PPP2R2B: variants seen among roughly 807,000 people sequenced by gnomAD.
The protein encoded by PPP2R2B is serine/threonine-protein phosphatase 2A 55 kDa regulatory subunit B beta isoform.
A neutral mutation model predicts 46.0 loss-of-function variants in PPP2R2B; 5 were observed. The ratio of observed to expected loss-of-function variants is 0.11; its 90% CI spans 0.06 to 0.23. The LOEUF (loss-of-function observed/expected upper bound fraction) is 0.23, where lower values mean the gene tolerates loss of function less well. PPP2R2B is among the 10% of genes least tolerant of loss of function. The pLI, the probability that PPP2R2B is intolerant of heterozygous loss-of-function variation, is 1.00. For synonymous variants in PPP2R2B, 215 were observed against 206.7 expected, an observed-to-expected ratio of 1.04 and a Z score of -0.34; for missense variants, 367 against 575.0, an observed-to-expected ratio of 0.64 and a Z score of 3.70.
At chr5:146,667,230 T>A (rs1326483031) in intron 5 of PPP2R2B, among the ~76,000 whole-genome samples, 1 of 151,998 alleles carries the variant, frequency 6.6e-6, no homozygotes. Flanking sequence ...ATGTAGTGAT[T>A]CTAGAAAATA....
intron 2 of PPP2R2B, among the ~76,000 whole-genome samples, chr5:146,726,196 C>A (rs993353470): frequency 2.0e-5 from 3 of 152,126 alleles, no homozygotes; most frequent in Non-Finnish European, 4.4e-5. Context: ...ACCACTGCAT[C>A]CCCACCTCTC....
intron 1 of PPP2R2B, among the ~76,000 whole-genome samples, chr5:146,977,388 T>C (rs1752960499): frequency 6.6e-6 from 1 of 152,008 alleles, no homozygotes; most frequent in African/African-American, 2.4e-5. Flanking sequence ...TTATTATTAT[T>C]ATTATACTTT....
chr5:146,803,717 G>T (rs1757002834), intron 2 of PPP2R2B, among the ~76,000 whole-genome samples: 1 of 152,282 alleles, frequency 6.6e-6, no homozygotes, highest in East Asian at 1.9e-4. Flanking sequence ...ACAAGACCAA[G>T]TTAGGCATCC....
At chr5:147,048,243 T>C (rs1243991753) in intron 1 of PPP2R2B, among the ~76,000 whole-genome samples, 1 of 152,182 alleles carries the variant, frequency 6.6e-6, no homozygotes, top group African/African-American at 2.4e-5. Context: ...TGAAATGTTG[T>C]AGGCAGTCTT....
chr5:146,931,990 C>A (rs1763984342), intron 1 of PPP2R2B, among the ~76,000 whole-genome samples: 1 of 152,160 alleles, frequency 6.6e-6, no homozygotes, highest in African/African-American at 2.4e-5. Flanking sequence ...GTCTGGTCAT[C>A]AGCAATAATC....
At chr5:147,014,555 C>T (rs1239348453) in intron 1 of PPP2R2B, among the ~76,000 whole-genome samples, 1 of 152,004 alleles carries the variant, frequency 6.6e-6, no homozygotes, top group Non-Finnish European at 1.5e-5. Flanking sequence ...ACTATGCAGC[C>T]ATAAAAAATG....
At chr5:146,973,175 T>A (rs1374955484) in intron 1 of PPP2R2B, among the ~76,000 whole-genome samples, 1 of 152,214 alleles carries the variant, frequency 6.6e-6, no homozygotes, top group African/African-American at 2.4e-5. Context: ...TTTTTCTTTT[T>A]CTTGTGGTTA....
intron 2 of PPP2R2B, among the ~76,000 whole-genome samples, chr5:146,716,562 T>C (rs563390162): frequency 1.3e-5 from 2 of 152,334 alleles, no homozygotes; most frequent in East Asian, 1.9e-4. Context: ...CATGTACTTA[T>C]ATTTGTGAAA....
In PPP2R2B at chr5:146,804,106, G is replaced by A. The variant is rs1397660424; in HGVS notation, c.70+73896C>T. On this transcript the variant is annotated intron_variant, in intron 2 of 9. Coordinates refer to ENST00000394411, the MANE Select transcript of PPP2R2B (RefSeq NM_181675.4). The stretch of plus-strand genomic sequence containing the variant: ...CGCTTGAACCCGGGAGGTGGAGGTT[G>A]CAGCGAGCAGAGATCATGCCACTGC... 5.3e-5 allele frequency among the ~76,000 whole-genome samples: 8 copies of A among 152,044 alleles called. No individual in the cohort carries two copies. The East Asian group carries it at 1.5e-3, about 29-fold the overall frequency.
intron 2 of PPP2R2B, among the ~76,000 whole-genome samples, chr5:146,749,606 CTTTTTT>C (rs1045634394): frequency 1.9e-5 from 2 of 103,850 alleles, no homozygotes; most frequent in Admixed American, 9.6e-5. Flanking sequence ...CTTTTCTTTT[CTTTTTT>C]TTTTTTTTTT....
intron 2 of PPP2R2B, among the ~76,000 whole-genome samples, chr5:146,846,784 G>A (rs370072633): frequency 3.9e-4 from 60 of 152,210 alleles, no homozygotes; most frequent in African/African-American, 1.4e-3. Flanking sequence ...GAATGATGCT[G>A]GTCTAGAATA....
chr5:146,853,044 A>T (rs1371324197), intron 2 of PPP2R2B, among the ~76,000 whole-genome samples: 2 of 152,276 alleles, frequency 1.3e-5, no homozygotes, highest in South Asian at 4.1e-4. Context: ...ATTAACAGAG[A>T]TTAAAGATCT....
chr5:146,987,482 A>T lies in PPP2R2B; in HGVS notation c.79+68183T>A, dbSNP rs1354750583. 2.0e-5 allele frequency among the ~76,000 whole-genome samples: 3 copies of T among 152,252 alleles called. No individual in the cohort carries two copies. In the East Asian group the frequency reaches 5.8e-4, roughly 29 times the overall value. On this transcript the variant is annotated intron_variant, in intron 1 of 8. Transcript: ENST00000336640. ...CTGAAATATCCAAAAGACAAAATGT[A>T]GGGATAAGATGAGTTAAAGAGTTTT...
chr5:146,986,747 AG>A (rs1157559440), intron 1 of PPP2R2B, among the ~76,000 whole-genome samples: 2 of 152,220 alleles, frequency 1.3e-5, no homozygotes, highest in Non-Finnish European at 2.9e-5. Flanking sequence ...AAAAGGACAA[AG>A]AACACTTATG....
intron 2 of PPP2R2B, among the ~76,000 whole-genome samples, chr5:146,712,871 T>C (rs1335981010): frequency 6.6e-6 from 1 of 152,206 alleles, no homozygotes; most frequent in Non-Finnish European, 1.5e-5. Context: ...ATTAATTCAT[T>C]CATTGACCCA....
At chr5:146,708,254 G>A (rs759586527) in intron 2 of PPP2R2B, among the ~76,000 whole-genome samples, 1 of 151,914 alleles carries the variant, frequency 6.6e-6, no homozygotes, top group Non-Finnish European at 1.5e-5. Context: ...CTACTTGGGA[G>A]GCTGAGGTGG....
At chr5:146,601,533 G>A (rs775003207) in intron 7 of PPP2R2B, among the ~76,000 whole-genome samples, 14 of 152,130 alleles carry the variant, frequency 9.2e-5, no homozygotes, top group Non-Finnish European at 1.5e-5. Flanking sequence ...GCAACAGATC[G>A]AGATCCTGTC....
chr5:146,675,960 T>G (rs1277893046), intron 5 of PPP2R2B, among the ~76,000 whole-genome samples: 1 of 151,934 alleles, frequency 6.6e-6, no homozygotes, highest in Non-Finnish European at 1.5e-5. Flanking sequence ...TTTTCCTTTG[T>G]GTAATAGGGA....
At chr5:147,004,268 A>C (rs894375391) in intron 1 of PPP2R2B, among the ~76,000 whole-genome samples, 2 of 138,568 alleles carry the variant, frequency 1.4e-5, no homozygotes, top group Non-Finnish European at 3.1e-5. Flanking sequence ...AATCACTAGA[A>C]GACACACTGC....
Sources: allele counts gnomAD v4.1 joint callset (sites outside exome capture counted in the v4.1 genomes callset), GRCh38; gene constraint gnomAD v4.1.1; transcripts MANE v1.5; gene names NCBI Gene and HGNC (gene_info 2026-07-23, HGNC 2026-07-21).